Variants in CLASP1 observed in about 807,000 individuals in gnomAD.
The protein encoded by CLASP1 is CLIP-associating protein 1.
CLASP1 carries 38 observed loss-of-function variants against 192.3 expected under a neutral mutation model. The ratio of observed to expected loss-of-function variants is 0.20; its 90% CI spans 0.15 to 0.26. The LOEUF is 0.26. CLASP1 is among the 10% of genes least tolerant of loss of function. The pLI is 1.00. For missense variants in CLASP1, 1,433 were observed against 1,932.5 expected (o/e 0.74, Z 4.85); for synonymous variants, 691 against 712.8 (o/e 0.97, Z 0.49).
chr2:121,609,925 G>C (rs957748263), intron 1 of CLASP1, among the ~76,000 whole-genome samples: 6 of 152,196 alleles, frequency 3.9e-5, no homozygotes, highest in African/African-American at 1.4e-4. Context: ...GCAACAGAGA[G>C]AGACTTTGTC....
intron 8 of CLASP1, among the ~76,000 whole-genome samples, chr2:121,478,768 ACCC>A (rs2092085725): frequency 1.6e-4 from 8 of 50,646 alleles, no homozygotes; most frequent in African/African-American, 6.5e-4. Flanking sequence ...CACACCACAC[ACCC>A]CACACACACA....
At chr2:121,483,156 T>C (rs886205213) in intron 8 of CLASP1, among the ~76,000 whole-genome samples, 6 of 152,310 alleles carry the variant, frequency 3.9e-5, no homozygotes, top group African/African-American at 1.4e-4. Flanking sequence ...GGCATCCTAC[T>C]TTATCTGCCC....
At chr2:121,521,908 G>C (rs1416227253) in intron 6 of CLASP1, among the ~76,000 whole-genome samples, 2 of 152,160 alleles carry the variant, frequency 1.3e-5, no homozygotes, top group African/African-American at 4.8e-5. Context: ...GGGGCATTGG[G>C]AACTGCAAAG....
intron 32 of CLASP1, 111 bp downstream of exon 33, chr2:121,387,011 T>C: frequency 3.4e-6 from 3 of 884,948 alleles, no homozygotes; most frequent in Non-Finnish European, 5.5e-6. Context: ...TTCTTGATAC[T>C]CAATATTCTT....
intron 22 of CLASP1, among the ~76,000 whole-genome samples, chr2:121,421,530 G>C (rs924704686): frequency 6.6e-6 from 1 of 152,030 alleles, no homozygotes; most frequent in Non-Finnish European, 1.5e-5. Context: ...TTACAGGTGT[G>C]AGCCACTGTG....
At chr2:121,428,817 G>A (rs760025224) in intron 20 of CLASP1, among the ~76,000 whole-genome samples, 28 of 152,126 alleles carry the variant, frequency 1.8e-4, no homozygotes, top group Non-Finnish European at 3.4e-4. Flanking sequence ...TAAAGCTTGC[G>A]TCCATTTAAC....
intron 2 of CLASP1, among the ~76,000 whole-genome samples, chr2:121,580,417 G>A (rs903274554): frequency 6.6e-6 from 1 of 152,134 alleles, no homozygotes; most frequent in Non-Finnish European, 1.5e-5. Flanking sequence ...TTTTAAAAAT[G>A]CAAGACAGAA....
At chr2:121,462,428 A>AT in intron 10 of CLASP1, 104 bp downstream of exon 10, 3 of 654,810 alleles carry the variant, frequency 4.6e-6, no homozygotes, top group Non-Finnish European at 8.0e-6. Context: ...GACAGTTAAA[A>AT]TTACCTGACC....
At chr2:121,394,835 G>A (rs572366895) in intron 30 of CLASP1, among the ~76,000 whole-genome samples, 9 of 152,136 alleles carry the variant, frequency 5.9e-5, no homozygotes, top group Admixed American at 2.0e-4. Context: ...AGCCGAGATC[G>A]CGCCACTGCA....
chr2:121,586,452 T>C (rs1465253946), intron 2 of CLASP1, among the ~76,000 whole-genome samples: 1 of 152,028 alleles, frequency 6.6e-6, no homozygotes, highest in Non-Finnish European at 1.5e-5. Context: ...GAAAGAAAAA[T>C]TTTAAATCCT....
intron 14 of CLASP1, among the ~76,000 whole-genome samples, chr2:121,454,176 C>T (rs2086152678): frequency 7.5e-6 from 1 of 133,880 alleles, no homozygotes; most frequent in Non-Finnish European, 1.6e-5. Flanking sequence ...AATTAATATG[C>T]TGAAGTCCTT....
chr2:121,454,788 C>T (rs1030433458), intron 14 of CLASP1, among the ~76,000 whole-genome samples: 1 of 152,126 alleles, frequency 6.6e-6, no homozygotes, highest in Non-Finnish European at 1.5e-5. Flanking sequence ...TTTTGCCTTA[C>T]GCAAGGAAAA....
At chr2:121,518,634 G>A (rs2094383939) in intron 6 of CLASP1, among the ~76,000 whole-genome samples, 2 of 151,976 alleles carry the variant, frequency 1.3e-5, no homozygotes, top group African/African-American at 4.8e-5. Context: ...TTGGGTGGCC[G>A]AGGCAGGCAG....
In CLASP1 at chr2:121,363,416, A is replaced by G. The variant is rs1254576106; in HGVS notation, c.4078-116T>C. 5.0e-6 allele frequency: 6 copies of G among 1,206,362 alleles called. No homozygotes were observed. The East Asian group carries it at 1.5e-4, about 30-fold the overall frequency. 74.7% of individuals were successfully genotyped at this position (1,206,362 alleles called of 1,614,324 possible). On this transcript the variant is annotated intron_variant, in intron 36 of 39. Coordinates refer to ENST00000263710, the Ensembl canonical transcript of CLASP1. ...AGTTCTGGGTTCCCTGGAACCTCGC[A>G]GAACCCTCTAAACAGATCACACAGT...
intron 2 of CLASP1, among the ~76,000 whole-genome samples, chr2:121,543,783 A>C (rs1260328053): frequency 2.0e-5 from 3 of 152,140 alleles, no homozygotes; most frequent in Non-Finnish European, 4.4e-5. Flanking sequence ...AAAAGACCAC[A>C]AACTACTCAA....
chr2:121,605,964 A>G (rs2064368482), exon 2 of CLASP1: 1 of 1,418,866 alleles, frequency 7.0e-7, no homozygotes, highest in African/African-American at 1.4e-5. Flanking sequence ...CAGCAGACGT[A>G]TCTGGGAGGT....
chr2:121,473,009 G>C (rs72969334), intron 8 of CLASP1, among the ~76,000 whole-genome samples: 6 of 152,178 alleles, frequency 3.9e-5, no homozygotes, highest in South Asian at 2.1e-4. Context: ...ACAAGACACA[G>C]ACACTCAACA....
At position 121,590,636 on chromosome 2, in the gene CLASP1, G is replaced by T. The variant is rs566146110; in HGVS notation, c.195+15065C>A. Among the ~76,000 whole-genome samples the T allele has an allele frequency of 1.2e-4, 19 of 152,110 alleles. No homozygotes were observed. In the East Asian group the frequency reaches 3.7e-3, roughly 29 times the overall value. Reference sequence around the variant, plus strand: ...TTTCATTACAACTTTTAAAAAATATGTTCCTGTTTATACAATAAGTACATA... The same window carrying T: ...TTTCATTACAACTTTTAAAAAATATTTTCCTGTTTATACAATAAGTACATA... On this transcript the variant is annotated intron_variant, in intron 2 of 39. Coordinates refer to ENST00000263710, the Ensembl canonical transcript of CLASP1.
chr2:121,443,294 A>G (rs1010776233), intron 19 of CLASP1, among the ~76,000 whole-genome samples: 8 of 151,898 alleles, frequency 5.3e-5, no homozygotes, highest in African/African-American at 1.9e-4. Context: ...AAAAAAAAAA[A>G]GTTAAAAAGT....
Sources: gnomAD v4.1 joint callset for allele counts (sites outside exome capture counted in the v4.1 genomes callset) on GRCh38, gnomAD v4.1.1 for gene constraint, MANE v1.5 for transcripts, NCBI Gene and HGNC (gene_info 2026-07-23, HGNC 2026-07-21) for gene names.